NTM: variants seen among roughly 807,000 people sequenced by gnomAD.
The protein encoded by NTM is neurotrimin, also known as IgLON family member 2.
Under a neutral mutation model 42.1 loss-of-function variants are expected in NTM, and 13 were observed. The observed-to-expected ratio is 0.31, with a 90% confidence interval of 0.20 to 0.49. NTM has a LOEUF of 0.49. Ranked by LOEUF, NTM falls within the 20% of genes least tolerant of loss-of-function variation. The probability of loss-of-function intolerance (pLI) is 0.99; values close to 1 mark genes in which losing one functional copy is unlikely to be tolerated. For synonymous variants in NTM, 187 were observed against 179.2 expected, an observed-to-expected ratio of 1.04 and a Z score of -0.35; for missense variants, 373 against 452.8, an observed-to-expected ratio of 0.82 and a Z score of 1.60.
intron 1 of NTM, among the ~76,000 whole-genome samples, chr11:131,817,410 C>A (rs938221306): frequency 1.3e-5 from 2 of 152,102 alleles, no homozygotes; most frequent in African/African-American, 4.8e-5. Flanking sequence ...ATGGATAGTA[C>A]TGACTTTTTT....
rs975444094 is a variant in NTM at position 132,133,405 on chromosome 11, A to G, written c.168-12877A>G. On this transcript the variant is annotated intron_variant, in intron 2 of 8. Coordinates refer to ENST00000683400, the MANE Select transcript of NTM (RefSeq NM_001352005.2). ...ATTCCTTAAGAGCTTAACACAATAC[A>G]TGGCACATAGGAGGTGCTCAATGAA... is the stretch of plus-strand genomic sequence containing the variant. 3.0e-4 allele frequency among the ~76,000 whole-genome samples: 45 copies of G among 152,336 alleles called. 1 individual carries two copies. The highest frequency in any genetic ancestry group is 1.0e-3 in the African/African-American group (43 of 41,586).
chr11:132,189,783 T>C (rs1404519142), intron 3 of NTM, among the ~76,000 whole-genome samples: 2 of 152,186 alleles, frequency 1.3e-5, no homozygotes, highest in African/African-American at 4.8e-5. Context: ...CTTTTAGTAC[T>C]GTAGAGCCAC....
At position 132,059,608 on chromosome 11, in the gene NTM, C is replaced by T. The variant is rs920748068; in HGVS notation, c.168-86674C>T. ...TCCTATAAATTGAGAAACAGAACCT[C>T]ACTACTCAAGCCAAGCTGATGTCTA... On this transcript the variant is annotated intron_variant, in intron 2 of 8. Coordinates refer to ENST00000683400, the MANE Select transcript of NTM (RefSeq NM_001352005.2). 3.9e-5 allele frequency among the ~76,000 whole-genome samples: 6 copies of T among 152,234 alleles called. No individual in the cohort carries two copies. The Middle Eastern group carries it at 0.017, about 432-fold the overall frequency.
intron 2 of NTM, among the ~76,000 whole-genome samples, chr11:131,954,385 G>A (rs994424084): frequency 6.6e-6 from 1 of 152,198 alleles, no homozygotes; most frequent in Non-Finnish European, 1.5e-5. Context: ...TGCAGGCCAA[G>A]CCTTCACCTG....
intron 2 of NTM, among the ~76,000 whole-genome samples, chr11:132,078,729 A>C (rs2058669855): frequency 6.6e-6 from 1 of 152,212 alleles, no homozygotes; most frequent in South Asian, 2.1e-4. Context: ...GATGCATTCA[A>C]ATTTCAAGGG....
intron 2 of NTM, among the ~76,000 whole-genome samples, chr11:131,947,294 C>A (rs537145911): frequency 6.6e-6 from 1 of 152,244 alleles, no homozygotes; most frequent in East Asian, 1.9e-4. Context: ...TATTGAGGGA[C>A]TGGGTTTATC....
chr11:131,942,015 ATATT>A (rs1565788336), intron 2 of NTM, among the ~76,000 whole-genome samples: 1 of 151,942 alleles, frequency 6.6e-6, no homozygotes, highest in African/African-American at 2.4e-5. Context: ...CCTTCTGGAG[ATATT>A]TATTGATTAT....
chr11:131,374,143 G>A (rs1941623327), intron 1 of NTM, among the ~76,000 whole-genome samples: 1 of 152,222 alleles, frequency 6.6e-6, no homozygotes, highest in Non-Finnish European at 1.5e-5. Context: ...GCTCTTGGAA[G>A]CATGGCAGTA....
intron 2 of NTM, among the ~76,000 whole-genome samples, chr11:132,077,730 A>G (rs144710245): frequency 0.014 from 2,066 of 152,332 alleles, 25 homozygotes; most frequent in Non-Finnish European, 0.021. Context: ...CAACAATAGA[A>G]GAACAAAGCA....
intron 1 of NTM, among the ~76,000 whole-genome samples, chr11:131,518,712 C>G (rs1209455803): frequency 6.6e-6 from 1 of 152,190 alleles, no homozygotes; most frequent in Non-Finnish European, 1.5e-5. Flanking sequence ...CATTTGCATA[C>G]TTTCCTCATC....
intron 1 of NTM, among the ~76,000 whole-genome samples, chr11:131,892,914 C>A (rs2051605006): frequency 1.3e-5 from 2 of 152,348 alleles, no homozygotes; most frequent in South Asian, 4.1e-4. Flanking sequence ...TGCTGTTCTT[C>A]CCTGGGAACA....
chr11:131,691,567 C>A (rs1214335295), intron 1 of NTM, among the ~76,000 whole-genome samples: 1 of 151,240 alleles, frequency 6.6e-6, no homozygotes, highest in Non-Finnish European at 1.5e-5. Context: ...AGCCCCCCCC[C>A]GACTTCCCTT....
intron 4 of NTM, among the ~76,000 whole-genome samples, chr11:132,270,385 T>C (rs1835010148): frequency 6.6e-6 from 1 of 151,944 alleles, no homozygotes; most frequent in Non-Finnish European, 1.5e-5. Flanking sequence ...GTGCCACCAA[T>C]GCCCAGCTAA....
chr11:132,287,827 A>C (rs1468827853), intron 4 of NTM, among the ~76,000 whole-genome samples: 1 of 152,192 alleles, frequency 6.6e-6, no homozygotes, highest in Admixed American at 6.5e-5. Context: ...GTCGGTATGC[A>C]TGTCCAAATG....
intron 1 of NTM, among the ~76,000 whole-genome samples, chr11:131,632,116 T>G (rs1030208629): frequency 6.6e-6 from 1 of 152,226 alleles, no homozygotes; most frequent in Admixed American, 6.5e-5. Flanking sequence ...GCCATTCTTC[T>G]GTATTATGTA....
rs544486165 is a variant in NTM, at chr11:132,314,539, T to C, written c.783-13T>C. 1.9e-6 allele frequency: 3 copies of C among 1,603,844 alleles called. No homozygotes were observed. The highest frequency in any genetic ancestry group is 2.7e-5 in the African/African-American group (2 of 74,588). On this transcript the variant is annotated splice_polypyrimidine_tract_variant and intron_variant, in intron 6 of 8. Coordinates refer to ENST00000683400, the MANE Select transcript of NTM (RefSeq NM_001352005.2). Reference sequence around the variant, plus strand: ...ATCTTGTTTTCTTCTTTTTTGTCTTTTGTTTCTCTCAGACTGATTGAAGGA... The same window carrying C: ...ATCTTGTTTTCTTCTTTTTTGTCTTCTGTTTCTCTCAGACTGATTGAAGGA...
intron 1 of NTM, among the ~76,000 whole-genome samples, chr11:131,469,300 A>G (rs1359427877): frequency 2.6e-5 from 4 of 152,232 alleles, no homozygotes; most frequent in Non-Finnish European, 4.4e-5. Context: ...AGGGTTTTAC[A>G]TATATTATCT....
rs1028425524 is a variant in NTM at position 131,969,813 on chromosome 11, A to C, written c.167+58165A>C. 4.6e-5 allele frequency among the ~76,000 whole-genome samples: 7 copies of C among 152,190 alleles called. 1 individual carries two copies. In the South Asian group the frequency reaches 1.2e-3, roughly 27 times the overall value. ...TTAGTATAAAGAAAGAGCGATGATA[A>C]ATTTTTTTATTTTTATTTTTTGAGA... On this transcript the variant is annotated intron_variant, in intron 2 of 8. Coordinates refer to ENST00000683400, the MANE Select transcript of NTM (RefSeq NM_001352005.2).
chr11:132,079,967 A>T (rs187478502), intron 2 of NTM, among the ~76,000 whole-genome samples: 82 of 152,250 alleles, frequency 5.4e-4, no homozygotes, highest in African/African-American at 1.5e-3. Flanking sequence ...GAAATATGAC[A>T]TTTTCTCATG....
Sources: gnomAD v4.1 joint callset for allele counts (sites outside exome capture counted in the v4.1 genomes callset) on GRCh38, gnomAD v4.1.1 for gene constraint, MANE v1.5 for transcripts, NCBI Gene and HGNC (gene_info 2026-07-23, HGNC 2026-07-21) for gene names.